The following CTSD variants were observed in gnomAD, a reference collection of about 807,000 sequenced individuals.
The protein encoded by CTSD is ceroid-lipofuscinosis, neuronal 10.
In CTSD, 28 loss-of-function variants were observed where a neutral mutation model predicts 43.6. The observed-to-expected ratio is 0.64, with a 90% confidence interval of 0.48 to 0.88. The LOEUF (loss-of-function observed/expected upper bound fraction) is 0.88, where lower values mean the gene tolerates loss of function less well. CTSD is among the 40% of genes least tolerant of loss of function. The pLI is 0.00. For synonymous variants in CTSD, 270 were observed against 249.8 expected (o/e 1.08, Z -0.76); for missense variants, 485 against 555.2 (o/e 0.87, Z 1.27).
intron 6 of CTSD, 31 bp from the exon 7 acceptor site, chr11:1,754,169 CG>C (rs748541999): frequency 1.6e-5 from 25 of 1,600,380 alleles, no homozygotes; most frequent in Non-Finnish European, 2.0e-5. Flanking sequence ...AAGCCCCTGC[CG>C]GGACTGGAGT....
chr11:1,757,509 T>C lies in CTSD; in HGVS notation c.519A>G (p.Lys173=), dbSNP rs781382056. ...ASSASALGGV[K]VERQVFGEAT... ...CCTCCCCAAAGACCTGCCTCTCCAC[T>C]TTGACACCGCCCAGGGCAGAGGCTG... The change falls in exon 5 of 9, where the codon AAA becomes AAG. Residue 173 remains lysine, a synonymous_variant. Transcript: ENST00000236671. 4 of 1,613,758 alleles carry C rather than the reference T, an allele frequency of 2.5e-6. No individual in the cohort carries two copies. The South Asian group carries it at 4.4e-5, about 18-fold the overall frequency.
chr11:1,753,709 C>A (rs1845757143), intron 8 of CTSD, 39 bp from the exon 9 acceptor site: 1 of 1,610,448 alleles, frequency 6.2e-7, no homozygotes, highest in Admixed American at 1.7e-5. Context: ...GGCCTAGCAC[C>A]ACCCGCCCCC....
chr11:1,756,161 G>A (rs546466956), intron 5 of CTSD, among the ~76,000 whole-genome samples: 3 of 150,444 alleles, frequency 2.0e-5, no homozygotes, highest in Admixed American at 2.0e-4. Context: ...TCCCCCACAT[G>A]GGCATTCATG....
At chr11:1,756,058 C>A (rs1415005202) in intron 5 of CTSD, among the ~76,000 whole-genome samples, 3 of 152,036 alleles carry the variant, frequency 2.0e-5, no homozygotes, top group Admixed American at 6.6e-5. Context: ...GCCCCTCCTT[C>A]CACCTGGCAC....
intron 2 of CTSD, among the ~76,000 whole-genome samples, chr11:1,760,119 GCCCT>G (rs978017274): frequency 6.6e-6 from 1 of 152,230 alleles, no homozygotes; most frequent in African/African-American, 2.4e-5. Flanking sequence ...TGCCTGCCCT[GCCCT>G]CCAGGGTGAA....
At chr11:1,759,469 C>T (rs751415197) in intron 3 of CTSD, 47 bp downstream of exon 3, 1 of 1,610,902 alleles carries the variant, frequency 6.2e-7, no homozygotes, top group Non-Finnish European at 8.5e-7. Flanking sequence ...GCAGCGACAT[C>T]CCGGAAGGGC....
intron 4 of CTSD, chr11:1,758,010 C>T (rs1397184754): frequency 7.8e-6 from 2 of 255,146 alleles, no homozygotes; most frequent in Non-Finnish European, 1.6e-5. Flanking sequence ...CCTCCCCCAG[C>T]CCTGGATGAG....
chr11:1,758,311 G>A (rs1195775654), intron 4 of CTSD, among the ~76,000 whole-genome samples: 1 of 152,114 alleles, frequency 6.6e-6, no homozygotes, highest in Non-Finnish European at 1.5e-5. Context: ...CCAGAGCTGG[G>A]GGCTGTGTCA....
intron 6 of CTSD, among the ~76,000 whole-genome samples, chr11:1,754,500 G>GGGGATGGAGGGATGGA (rs1293409262): frequency 8.3e-6 from 1 of 121,014 alleles, no homozygotes; most frequent in African/African-American, 3.4e-5. Context: ...AGAGGGATGT[G>GGGGATGGAGGGATGGA]GGGATGGAGG....
rs780328613 is a variant in CTSD at position 1,754,055 on chromosome 11, G to A, written c.911C>T (p.Pro304Leu). ...CTGCAGCTCGCGCACCTCATCCACC[G>A]GGCCCACCATGAGGGAAGTGCCTGT... ...VDTGTSLMVG[P>L]VDEVRELQKA... The change falls in exon 7 of 9, where the codon CCG (proline) becomes CTG (leucine). Residue 304 changes from proline (P) to leucine (L), a missense_variant. Coordinates refer to ENST00000236671, the MANE Select transcript of CTSD (RefSeq NM_001909.5). 4.4e-6 allele frequency: 7 copies of A among 1,587,174 alleles called. No homozygotes were observed. Among genetic ancestry groups the A allele is most frequent in the African/African-American group, 1.4e-5 (1 of 73,806 alleles).
rs929763593 is a variant in CTSD at position 1,753,614 on chromosome 11, C to T, written c.1128G>A (p.Pro376=). Residue 376 remains proline, a synonymous_variant, in exon 9 of 9, where the codon CCG becomes CCA. Transcript: ENST00000236671. The part of the protein sequence containing the change: ...CLSGFMGMDI[P]PPSGPLWILG... ...GGATCCAGAGTGGCCCGCTGGGTGG[C>T]GGGATGTCCATGCCCATGAAGCCGC... 9.9e-6 allele frequency: 16 copies of T among 1,612,870 alleles called. No homozygotes were observed. The highest frequency in any genetic ancestry group is 4.0e-5 in the African/African-American group (3 of 74,886).
At position 1,757,339 on chromosome 11, in the gene CTSD, G is replaced by A. The variant is rs1376905856; in HGVS notation, c.689C>T (p.Ser230Phe). Residue 230 changes from serine to phenylalanine, a missense_variant, in exon 5 of 9, where the codon TCC (serine) becomes TTC (phenylalanine). Physicochemically the swap from Ser to Phe is radical, Grantham distance 155. Coordinates refer to ENST00000236671, the MANE Select transcript of CTSD (RefSeq NM_001909.5). ...QQKLVDQNIFSFYLSRDPDAQ... is the reference protein window; with the variant it reads ...QQKLVDQNIFFFYLSRDPDAQ... ...ACACGCCCACCTGCTCAGGTAGAAG[G>A]AGAAGATGTTCTGGTCCACCAGCTT... The A allele has an allele frequency of 1.2e-6, 2 of 1,613,688 alleles. No homozygotes were observed. The highest frequency in any genetic ancestry group is 2.7e-5 in the African/African-American group (2 of 74,952).
chr11:1,761,794 G>A (rs1165204252), intron 1 of CTSD: 2 of 438,356 alleles, frequency 4.6e-6, no homozygotes, highest in African/African-American at 2.0e-5. Context: ...GCCCCCAAGG[G>A]TCTCCCGTCC....
At chr11:1,760,926 G>C (rs557371526) in intron 2 of CTSD, 2 of 323,670 alleles carry the variant, frequency 6.2e-6, no homozygotes, top group South Asian at 2.6e-5. Context: ...GTTGCGAGAG[G>C]AAGAAGATGG....
rs748185051 is a variant in CTSD at position 1,754,089 on chromosome 11, T to G, written c.877A>C (p.Ile293Leu). The G allele has an allele frequency of 1.2e-6, 2 of 1,611,378 alleles. No individual in the cohort carries two copies. The highest frequency in any genetic ancestry group is 3.3e-5 in the Admixed American group (2 of 59,976). Residue 293 changes from isoleucine (I) to leucine (L), a missense_variant, in exon 7 of 9, where the codon ATT becomes CTT. Coordinates refer to ENST00000236671, the MANE Select transcript of CTSD (RefSeq NM_001909.5). The stretch of plus-strand genomic sequence containing the variant: ...ATGAGGGAAGTGCCTGTGTCCACAA[T>G]GGCCTCACAGCCCTCCTTGCACAGG... Reference protein sequence around the residue: ...LTLCKEGCEAIVDTGTSLMVG... With the variant: ...LTLCKEGCEALVDTGTSLMVG...
intron 3 of CTSD, 78 bp downstream of exon 3, chr11:1,759,438 A>G (rs1363774827): frequency 3.1e-6 from 5 of 1,596,274 alleles, no homozygotes; most frequent in East Asian, 2.2e-5. Context: ...GCGTTGCCCA[A>G]GTGATTCCTG....
At position 1,753,592 on chromosome 11, in the gene CTSD, T is replaced by A; in HGVS notation, c.1150A>T (p.Ile384Phe). 1.2e-6 allele frequency: 2 copies of A among 1,613,014 alleles called. No individual in the cohort carries two copies. The highest frequency in any genetic ancestry group is 1.7e-6 in the Non-Finnish European group (2 of 1,179,912). ...DIPPPSGPLW[I>F]LGDVFIGRYY... ...CGGCCGATGAAGACGTCGCCCAGGA[T>A]CCAGAGTGGCCCGCTGGGTGGCGGG... Residue 384 changes from isoleucine (I) to phenylalanine (F), a missense_variant, in exon 9 of 9, where the codon ATC becomes TTC. By Grantham distance (21) the Ile-to-Phe change is conservative (BLOSUM62 0). Coordinates refer to ENST00000236671, the MANE Select transcript of CTSD (RefSeq NM_001909.5).
At chr11:1,757,084 C>A (rs1039878921) in intron 5 of CTSD, among the ~76,000 whole-genome samples, 2 of 152,258 alleles carry the variant, frequency 1.3e-5, no homozygotes, top group Non-Finnish European at 2.9e-5. Flanking sequence ...GGACCCACAG[C>A]CTGGCCCGAG....
At position 1,753,814 on chromosome 11, in the gene CTSD, A is replaced by G; in HGVS notation, c.1060T>C (p.Tyr354His). ...CATTGCCCGCTCACCTTGAGCGTGT[A>G]GTCCTCTGGGGACAGCTTGTAGCCT... Reference protein sequence around the residue: ...GKGYKLSPEDYTLKVSQAGKT... With the variant: ...GKGYKLSPEDHTLKVSQAGKT... Residue 354 changes from tyrosine to histidine, a missense_variant, in exon 8 of 9, where the codon TAC becomes CAC. Transcript: ENST00000236671. 6.2e-7 allele frequency: 1 copy of G among 1,613,566 alleles called. No individual in the cohort carries two copies. The highest frequency in any genetic ancestry group is 8.5e-7 in the Non-Finnish European group (1 of 1,179,770).
Sources: gnomAD v4.1 joint callset for allele counts (sites outside exome capture counted in the v4.1 genomes callset) on GRCh38, gnomAD v4.1.1 for gene constraint, MANE v1.5 for transcripts, NCBI Gene and HGNC (gene_info 2026-07-23, HGNC 2026-07-21) for gene names.